The following XYLB variants were observed in gnomAD, a reference collection of about 807,000 sequenced individuals.
The protein encoded by XYLB is xylulokinase.
In XYLB, 62 loss-of-function variants were observed where a neutral mutation model predicts 78.7. The observed-to-expected ratio is 0.79, with a 90% confidence interval of 0.64 to 0.97. The LOEUF (loss-of-function observed/expected upper bound fraction) is 0.97. XYLB is among the 50% of genes least tolerant of loss of function. XYLB has a pLI of 0.00. For missense variants in XYLB, 687 were observed against 676.8 expected, an observed-to-expected ratio of 1.02 and a Z score of -0.17; for synonymous variants, 245 against 247.4, an observed-to-expected ratio of 0.99 and a Z score of 0.09.
At chr3:38,389,855 A>G (rs1707576196) in intron 15 of XYLB, among the ~76,000 whole-genome samples, 1 of 152,156 alleles carries the variant, frequency 6.6e-6, no homozygotes, top group South Asian at 2.1e-4. Context: ...GACTAGCTCT[A>G]TATTGGAGAC....
At chr3:38,374,994 A>G (rs2125601670) in intron 11 of XYLB, 150 bp from the exon 12 acceptor site, 2 of 629,098 alleles carry the variant, frequency 3.2e-6, no homozygotes, top group Middle Eastern at 8.6e-4. Flanking sequence ...GGAGGGTCAG[A>G]AGTGGCTCTT....
intron 15 of XYLB, 38 bp downstream of exon 15, chr3:38,379,380 G>C (rs199725143): frequency 6.2e-7 from 1 of 1,605,532 alleles, no homozygotes; most frequent in African/African-American, 1.3e-5. Context: ...CCGGGGTGGG[G>C]GCTCAGGGCC....
downstream of XYLB, among the ~76,000 whole-genome samples, chr3:38,416,869 T>C (rs1201731907): frequency 6.6e-6 from 1 of 152,216 alleles, no homozygotes; most frequent in African/African-American, 2.4e-5. Context: ...AAAGAGCTCT[T>C]TCTACTTTCC....
intron 10 of XYLB, among the ~76,000 whole-genome samples, chr3:38,374,045 C>T (rs1706716715): frequency 6.6e-6 from 1 of 151,714 alleles, no homozygotes; most frequent in Admixed American, 6.6e-5. Context: ...AAAAAGATTG[C>T]TGTTGTGGGC....
intron 2 of XYLB, chr3:38,355,829 C>G (rs1705616143): frequency 1.4e-6 from 1 of 702,980 alleles, no homozygotes; most frequent in Non-Finnish European, 2.6e-6. Flanking sequence ...TCCCCACTCC[C>G]CACTCATGTT....
chr3:38,412,085 G>A (rs1363872295), intron 18 of XYLB, among the ~76,000 whole-genome samples: 2 of 151,700 alleles, frequency 1.3e-5, no homozygotes, highest in African/African-American at 4.9e-5. Context: ...CCGGCTCCCA[G>A]GTTCAAGTGA....
Position 38,370,088 on chromosome 3 carries a change from A to C in XYLB, c.679A>C (p.Lys227Gln). Residue 227 changes from lysine (K) to glutamine (Q), a missense_variant, in exon 9 of 19, where the codon AAA becomes CAA. By Grantham distance (53) the Lys-to-Gln change is moderately conservative. Coordinates refer to ENST00000207870, the MANE Select transcript of XYLB (RefSeq NM_005108.4). ...SGMNLLQIQD[K>Q]VWSQACLGAC... Reference sequence around the variant, plus strand: ...AATGAATTTGTTGCAGATACAGGATAAAGTCTGGTCCCAGGCTTGCCTTGG... The same window carrying C: ...AATGAATTTGTTGCAGATACAGGATCAAGTCTGGTCCCAGGCTTGCCTTGG... The C allele has an allele frequency of 6.2e-7, 1 of 1,614,178 alleles. No homozygotes were observed. The highest frequency in any genetic ancestry group is 8.5e-7 in the Non-Finnish European group (1 of 1,180,024).
At chr3:38,371,032 G>A (rs976895490) in intron 9 of XYLB, among the ~76,000 whole-genome samples, 7 of 152,188 alleles carry the variant, frequency 4.6e-5, no homozygotes, top group African/African-American at 9.7e-5. Flanking sequence ...GGAGGGAGTC[G>A]TGTAACTGGG....
chr3:38,363,035 T>G lies in XYLB; in HGVS notation c.291+18T>G. 6.5e-7 allele frequency: 1 copy of G among 1,527,346 alleles called. No homozygotes were observed. 94.6% of individuals were successfully genotyped at this position (1,527,346 alleles called of 1,614,324 possible). ...CGGGCCAGGTTCGTTTGCAGCAGACTCTGTCTGCCATGTGAGGGTGACTGT... is the reference window on the plus strand; with the variant it reads ...CGGGCCAGGTTCGTTTGCAGCAGACGCTGTCTGCCATGTGAGGGTGACTGT... On this transcript the variant is annotated intron_variant, in intron 4 of 18. Coordinates refer to ENST00000207870, the MANE Select transcript of XYLB (RefSeq NM_005108.4).
chr3:38,420,476 A>C (rs1016179569), exon 18 of XYLB, among the ~76,000 whole-genome samples: 4 of 152,158 alleles, frequency 2.6e-5, no homozygotes, highest in Non-Finnish European at 4.4e-5. Context: ...GGTGGGGAGG[A>C]ATATTTAAAA....
chr3:38,378,410 C>T (rs557026477), intron 14 of XYLB, among the ~76,000 whole-genome samples: 1 of 152,298 alleles, frequency 6.6e-6, no homozygotes, highest in Non-Finnish European at 1.5e-5. Context: ...GGACAGTAGA[C>T]GACTGAATGA....
At chr3:38,432,079 C>T in the XYLB span, among the ~76,000 whole-genome samples, 4 of 151,754 alleles carry the variant, frequency 2.6e-5, no homozygotes, top group Admixed American at 6.6e-5. Flanking sequence ...ATTTGGGTGG[C>T]GTCACAGCCA....
At chr3:38,442,889 A>C in the XYLB span, among the ~76,000 whole-genome samples, 2 of 152,032 alleles carry the variant, frequency 1.3e-5, no homozygotes, top group East Asian at 3.9e-4. Flanking sequence ...GCCCTTCTGC[A>C]TTGTCCTTCC....
At chr3:38,403,952 G>A (rs553415281) in intron 18 of XYLB, among the ~76,000 whole-genome samples, 7 of 152,224 alleles carry the variant, frequency 4.6e-5, no homozygotes, top group African/African-American at 7.2e-5. Context: ...GATTGTCAGC[G>A]TATGTGACTT....
chr3:38,383,670 G>C (rs914998804), intron 15 of XYLB, among the ~76,000 whole-genome samples: 3 of 152,118 alleles, frequency 2.0e-5, no homozygotes, highest in Non-Finnish European at 4.4e-5. Context: ...CAGCTACTGG[G>C]GGTGGGGTGG....
intron 3 of XYLB, among the ~76,000 whole-genome samples, chr3:38,361,801 A>G (rs915801309): frequency 5.3e-5 from 8 of 152,248 alleles, no homozygotes; most frequent in African/African-American, 2.4e-5. Context: ...ATGGGCACAG[A>G]TAGAGATGGC....
At chr3:38,408,189 A>G (rs1354730360) in intron 18 of XYLB, among the ~76,000 whole-genome samples, 2 of 152,080 alleles carry the variant, frequency 1.3e-5, no homozygotes, top group Non-Finnish European at 2.9e-5. Flanking sequence ...ACTGTCTCTC[A>G]GACCACAGTG....
At chr3:38,371,867 G>A (rs1458125678) in intron 9 of XYLB, among the ~76,000 whole-genome samples, 1 of 152,182 alleles carries the variant, frequency 6.6e-6, no homozygotes, top group Non-Finnish European at 1.5e-5. Flanking sequence ...GCTTTCTGAC[G>A]CAGGTCAGAA....
the XYLB span, among the ~76,000 whole-genome samples, chr3:38,439,130 C>T: frequency 6.6e-6 from 1 of 152,136 alleles, no homozygotes; most frequent in African/African-American, 2.4e-5. Context: ...CAGGACACCC[C>T]AGCTGCTGTT....
Sources: allele counts gnomAD v4.1 joint callset (sites outside exome capture counted in the v4.1 genomes callset), GRCh38; gene constraint gnomAD v4.1.1; transcripts MANE v1.5; gene names NCBI Gene and HGNC (gene_info 2026-07-23, HGNC 2026-07-21).